TANC1: variants seen among roughly 807,000 people sequenced by gnomAD.
The protein encoded by TANC1 is tetratricopeptide repeat, ankyrin repeat and coiled-coil containing 1, also known as protein TANC1.
In TANC1, 77 loss-of-function variants were observed where a neutral mutation model predicts 149.7. The ratio of observed to expected loss-of-function variants is 0.51; its 90% CI spans 0.43 to 0.62. The LOEUF is 0.62. TANC1 is among the 20% of genes least tolerant of loss of function. The pLI is 0.00. For synonymous variants in TANC1, 854 were observed against 925.0 expected (o/e 0.92, Z 1.39); for missense variants, 1,985 against 2,321.8 (o/e 0.85, Z 2.98).
At position 158,968,723 on chromosome 2, in the gene TANC1, C is replaced by T. The variant is rs567763920; in HGVS notation, c.-185C>T. The stretch of plus-strand genomic sequence containing the variant: ...CCGCGGAGCGCCGAGCTGGCCTCGC[C>T]CCGAGGCCCGGCCCTGGGTGTGGGG... On this transcript the variant is annotated 5_prime_UTR_variant, in exon 1 of 27. Coordinates refer to ENST00000263635, the MANE Select transcript of TANC1 (RefSeq NM_033394.3). 2.0e-5 allele frequency: 3 copies of T among 152,342 alleles called. No individual in the cohort carries two copies. Among genetic ancestry groups the T allele is most frequent in the Non-Finnish European group, 2.9e-5 (2 of 68,050 alleles). The allele number at this position is 152,342 out of a possible 1,614,324, so 9.4% of individuals were successfully genotyped here. A position where few individuals can be genotyped will look rare whatever the true frequency, so the allele number is the denominator to read the frequency against.
At chr2:159,124,309 A>T (rs1330546683) in intron 4 of TANC1, among the ~76,000 whole-genome samples, 2 of 152,082 alleles carry the variant, frequency 1.3e-5, no homozygotes, top group Non-Finnish European at 2.9e-5. Context: ...GCACCACTGC[A>T]CTCCATCCTG....
chr2:159,023,911 T>C (rs1192782038), intron 2 of TANC1, among the ~76,000 whole-genome samples: 1 of 150,536 alleles, frequency 6.6e-6, no homozygotes, highest in African/African-American at 2.5e-5. Context: ...GAAGTTGCAA[T>C]GAGCCAAGAT....
chr2:159,046,518 G>A (rs1346933380), intron 2 of TANC1, among the ~76,000 whole-genome samples: 2 of 148,182 alleles, frequency 1.3e-5, no homozygotes, highest in African/African-American at 5.0e-5. Context: ...TGTAGTATTT[G>A]ATTCTGCTGA....
chr2:159,163,376 G>T lies in TANC1; in HGVS notation c.776G>T (p.Gly259Val). The change falls in exon 8 of 27, where the codon GGA becomes GTA. Residue 259 changes from glycine to valine, a missense_variant. Physicochemically the swap from Gly to Val is moderately radical, Grantham distance 109. Coordinates refer to ENST00000263635, the MANE Select transcript of TANC1 (RefSeq NM_033394.3). ...AACCTAAGATTAGGGGTTCAGAAGG[G>T]AGTGCTTCATGACCGCAGGGCAGAT... Reference protein sequence around the residue: ...DGNLRLGVQKGVLHDRRADNC... With the variant: ...DGNLRLGVQKVVLHDRRADNC... 1 of 1,614,228 alleles carries T rather than the reference G, an allele frequency of 6.2e-7. No individual in the cohort carries two copies. The highest frequency in any genetic ancestry group is 2.2e-5 in the East Asian group (1 of 44,884).
chr2:159,214,140 A>G (rs369914738), intron 19 of TANC1, among the ~76,000 whole-genome samples: 8 of 45,374 alleles, frequency 1.8e-4, no homozygotes, highest in East Asian at 9.7e-4. Context: ...AAAAAAAAAA[A>G]AGGGGGAATT....
intron 4 of TANC1, among the ~76,000 whole-genome samples, chr2:159,133,092 T>C (rs1485000365): frequency 1.3e-5 from 2 of 152,134 alleles, no homozygotes; most frequent in African/African-American, 4.8e-5. Context: ...AGCTTGGAAA[T>C]AGATCTCTTT....
intron 16 of TANC1, among the ~76,000 whole-genome samples, chr2:159,192,518 A>T (rs2057522089): frequency 6.6e-6 from 1 of 152,190 alleles, no homozygotes; most frequent in Non-Finnish European, 1.5e-5. Context: ...GATTTTTCAA[A>T]GTGTGGTTCC....
At chr2:159,061,837 C>T (rs751264152) in intron 2 of TANC1, among the ~76,000 whole-genome samples, 1 of 152,140 alleles carries the variant, frequency 6.6e-6, no homozygotes, top group Non-Finnish European at 1.5e-5. Flanking sequence ...TATTTGAGTT[C>T]AACAGTACCT....
intron 3 of TANC1, among the ~76,000 whole-genome samples, chr2:159,080,323 G>A (rs546008757): frequency 8.6e-5 from 13 of 151,462 alleles, no homozygotes; most frequent in African/African-American, 2.9e-4. Flanking sequence ...AGCAGAGAGT[G>A]TCAGGGAGTG....
Position 159,194,420 on chromosome 2 carries a change from T to G in TANC1, c.2906T>G (p.Met969Arg), listed in dbSNP as rs367887360. Residue 969 changes from methionine (M) to arginine (R), a missense_variant, in exon 17 of 27, where the codon ATG (methionine) becomes AGG (arginine). This residue lies in a region of TANC1 where 508 missense variants were observed against 714.2 expected (regional missense o/e 0.71). Transcript: ENST00000263635. ...CTGGACGGAACGTCAGAGAACGGCA[T>G]GACTGCCCTCTGTTACGCAGCAGCT... ...ACLDGTSENG[M>R]TALCYAAAAG... 3.5e-5 allele frequency: 57 copies of G among 1,614,178 alleles called. No homozygotes were observed. The highest frequency in any genetic ancestry group is 4.6e-5 in the Non-Finnish European group (54 of 1,180,060).
intron 2 of TANC1, among the ~76,000 whole-genome samples, chr2:159,015,114 C>T (rs925169449): frequency 4.6e-5 from 7 of 152,218 alleles, no homozygotes; most frequent in Admixed American, 2.0e-4. Flanking sequence ...AGAGGTTCTC[C>T]GTGAGGGGTC....
intron 5 of TANC1, among the ~76,000 whole-genome samples, chr2:159,143,764 G>A (rs2051730464): frequency 6.6e-6 from 1 of 151,984 alleles, no homozygotes; most frequent in African/African-American, 2.4e-5. Flanking sequence ...AAATCCAGCT[G>A]TCCTCTATTT....
intron 3 of TANC1, among the ~76,000 whole-genome samples, chr2:159,068,933 G>T (rs777331626): frequency 6.6e-6 from 1 of 152,134 alleles, no homozygotes; most frequent in South Asian, 2.1e-4. Context: ...AGACATGGGG[G>T]TTTCTCCATG....
At chr2:158,970,058 A>G (rs1288886348) in intron 1 of TANC1, among the ~76,000 whole-genome samples, 1 of 149,528 alleles carries the variant, frequency 6.7e-6, no homozygotes, top group Non-Finnish European at 1.5e-5. Context: ...CTGGTTCAGA[A>G]TCTTTGAGGA....
At chr2:159,070,142 A>G (rs1379365528) in intron 3 of TANC1, among the ~76,000 whole-genome samples, 1 of 152,198 alleles carries the variant, frequency 6.6e-6, no homozygotes, top group African/African-American at 2.4e-5. Context: ...AGACCTGAAT[A>G]AGTAGAAGGA....
At chr2:158,989,487 A>G (rs1208942174) in intron 1 of TANC1, among the ~76,000 whole-genome samples, 10 of 151,606 alleles carry the variant, frequency 6.6e-5, no homozygotes, top group Admixed American at 6.6e-4. Context: ...GCTCATGCCT[A>G]TAGTCCCAGC....
chr2:158,999,385 C>T (rs181249933), intron 1 of TANC1, among the ~76,000 whole-genome samples: 1 of 152,298 alleles, frequency 6.6e-6, no homozygotes, highest in Admixed American at 6.5e-5. Flanking sequence ...TCCTTTTCTT[C>T]CCTTGCTTTA....
intron 19 of TANC1, among the ~76,000 whole-genome samples, chr2:159,211,263 G>A (rs1191224275): frequency 6.6e-6 from 1 of 152,222 alleles, no homozygotes; most frequent in Admixed American, 6.5e-5. Context: ...GCTTTCATGG[G>A]AATCTAATTC....
At chr2:158,981,522 T>TAC (rs2034362281) in intron 1 of TANC1, among the ~76,000 whole-genome samples, 1 of 120,962 alleles carries the variant, frequency 8.3e-6, no homozygotes, top group African/African-American at 3.1e-5. Flanking sequence ...TATATATATA[T>TAC]ATATATATAT....
Sources: gnomAD v4.1 joint callset for allele counts (sites outside exome capture counted in the v4.1 genomes callset) on GRCh38, gnomAD v4.1.1 for gene constraint, gnomAD v4.1.1 regional missense constraint, MANE v1.5 for transcripts, NCBI Gene and HGNC (gene_info 2026-07-23, HGNC 2026-07-21) for gene names.